The following AP3S1 variants were observed in gnomAD, a reference collection of about 807,000 sequenced individuals.
AP3S1 encodes the protein adaptor related protein complex 3 subunit sigma 1, also known as AP-3 complex subunit sigma-1.
Under a neutral mutation model 21.3 loss-of-function variants are expected in AP3S1, and 12 were observed. That is an observed-to-expected ratio of 0.56 (90% CI 0.36 to 0.91). AP3S1 has a LOEUF of 0.91. AP3S1 is among the 40% of genes least tolerant of loss of function. AP3S1 has a pLI of 0.01. For missense variants in AP3S1, 116 were observed against 225.0 expected, an observed-to-expected ratio of 0.52 and a Z score of 3.10; for synonymous variants, 48 against 78.4, an observed-to-expected ratio of 0.61 and a Z score of 2.05.
intron 3 of AP3S1, 78 bp downstream of exon 3, chr5:115,870,206 T>A: frequency 1.1e-6 from 1 of 881,738 alleles, no homozygotes; most frequent in Non-Finnish European, 1.7e-6. Flanking sequence ...TATTCTAAAT[T>A]TTCTAAAATG....
intron 3 of AP3S1, among the ~76,000 whole-genome samples, chr5:115,884,731 A>G (rs1257679080): frequency 1.3e-5 from 2 of 152,276 alleles, no homozygotes; most frequent in Non-Finnish European, 2.9e-5. Flanking sequence ...ACTTAACATG[A>G]AAATATTAAT....
chr5:115,842,475 G>T (rs910168177), intron 1 of AP3S1: 4 of 183,122 alleles, frequency 2.2e-5, no homozygotes, highest in Non-Finnish European at 1.1e-5. Flanking sequence ...CACCCCGCGC[G>T]GCTGCCTTCC....
intron 1 of AP3S1, among the ~76,000 whole-genome samples, chr5:115,863,348 A>T (rs1763345310): frequency 6.6e-6 from 1 of 151,716 alleles, no homozygotes; most frequent in Admixed American, 6.6e-5. Flanking sequence ...AGTGAGCGAG[A>T]TCATGCCATT....
At chr5:115,849,368 T>G (rs548372672) in intron 1 of AP3S1, among the ~76,000 whole-genome samples, 23 of 152,226 alleles carry the variant, frequency 1.5e-4, no homozygotes, top group African/African-American at 5.5e-4. Flanking sequence ...AGGAAGAATA[T>G]GAAAACAGTA....
At chr5:115,898,876 G>A (rs1399415518) in intron 4 of AP3S1, 1 of 152,240 alleles carries the variant, frequency 6.6e-6, no homozygotes, top group African/African-American at 2.4e-5. Flanking sequence ...TTGTGGATTT[G>A]CTGGGGGAGC....
intron 1 of AP3S1, among the ~76,000 whole-genome samples, chr5:115,864,375 A>G (rs552900508): frequency 1.6e-4 from 25 of 152,320 alleles, no homozygotes; most frequent in African/African-American, 5.8e-4. Context: ...CACCAAAGGC[A>G]TTGAAGTGGT....
At chr5:115,885,202 A>T (rs1749674023) in intron 3 of AP3S1, among the ~76,000 whole-genome samples, 1 of 152,192 alleles carries the variant, frequency 6.6e-6, no homozygotes, top group Non-Finnish European at 1.5e-5. Flanking sequence ...ACCTGACAGG[A>T]TATATGTATA....
chr5:115,873,541 G>T (rs1748456724), intron 3 of AP3S1, among the ~76,000 whole-genome samples: 2 of 152,180 alleles, frequency 1.3e-5, no homozygotes, highest in African/African-American at 4.8e-5. Flanking sequence ...TCAGGAACAT[G>T]TTGGAAGTTC....
chr5:115,905,737 A>T (rs184453839), intron 5 of AP3S1, among the ~76,000 whole-genome samples: 3 of 152,234 alleles, frequency 2.0e-5, no homozygotes, highest in Non-Finnish European at 4.4e-5. Context: ...TGTTACTTCA[A>T]TTGGTTAAAT....
chr5:115,844,936 C>A (rs1157051782), intron 1 of AP3S1, among the ~76,000 whole-genome samples: 1 of 152,184 alleles, frequency 6.6e-6, no homozygotes, highest in Non-Finnish European at 1.5e-5. Flanking sequence ...GAGTCTTGAA[C>A]ATAGAAAACT....
chr5:115,846,414 C>T (rs1762069141), intron 1 of AP3S1, among the ~76,000 whole-genome samples: 1 of 152,162 alleles, frequency 6.6e-6, no homozygotes, highest in African/African-American at 2.4e-5. Flanking sequence ...TGTGTGTACA[C>T]ACCACACACA....
chr5:115,866,985 A>G (rs1471203298), intron 2 of AP3S1, among the ~76,000 whole-genome samples: 1 of 152,120 alleles, frequency 6.6e-6, no homozygotes, highest in Non-Finnish European at 1.5e-5. Context: ...TATAAAGGTA[A>G]TATATTAAAT....
At chr5:115,882,772 C>G (rs994292143) in intron 3 of AP3S1, among the ~76,000 whole-genome samples, 1 of 152,186 alleles carries the variant, frequency 6.6e-6, no homozygotes, top group Non-Finnish European at 1.5e-5. Context: ...CAGGCATGAA[C>G]GTTTAAGTCT....
chr5:115,847,770 T>C (rs1331238045), intron 1 of AP3S1, among the ~76,000 whole-genome samples: 1 of 152,228 alleles, frequency 6.6e-6, no homozygotes, highest in Admixed American at 6.5e-5. Flanking sequence ...TATTCCCTCT[T>C]TATTAGCTTT....
In AP3S1 at chr5:115,866,778, A is replaced by C. The variant is rs765582125; in HGVS notation, c.161+17A>C. On this transcript the variant is annotated intron_variant, in intron 2 of 5. Transcript: ENST00000316788. ...AGGAGGATTGTAAGTAAAGCATTTC[A>C]TAGACATTTCTAAGTTTTGACTATG... 1.3e-6 allele frequency: 2 copies of C among 1,530,228 alleles called. No individual in the cohort carries two copies. The highest frequency in any genetic ancestry group is 1.8e-6 in the Non-Finnish European group (2 of 1,113,502). 94.8% of individuals were successfully genotyped at this position (1,530,228 alleles called of 1,614,324 possible).
intron 3 of AP3S1, among the ~76,000 whole-genome samples, chr5:115,878,766 G>T (rs2112864672): frequency 6.6e-6 from 1 of 152,226 alleles, no homozygotes. Context: ...GGATAACATT[G>T]AATCTATAAA....
At chr5:115,868,034 A>G (rs1169684279) in intron 2 of AP3S1, among the ~76,000 whole-genome samples, 1 of 152,136 alleles carries the variant, frequency 6.6e-6, no homozygotes, top group Non-Finnish European at 1.5e-5. Context: ...CTCAGGCCTC[A>G]GTTTTCTCCT....
chr5:115,882,948 G>A (rs901207570), intron 3 of AP3S1, among the ~76,000 whole-genome samples: 4 of 152,230 alleles, frequency 2.6e-5, no homozygotes, highest in African/African-American at 9.6e-5. Flanking sequence ...ACTTTGCCAT[G>A]TTGTGGTGGG....
At position 115,903,038 on chromosome 5, in the gene AP3S1, A is replaced by G. The variant is rs761585672; in HGVS notation, c.453+46A>G. ...AGTTAAGAAGGTTCTAAGCATGATGACAGATTACGCATGATTTGTAGTTTT... is the reference window on the plus strand; with the variant it reads ...AGTTAAGAAGGTTCTAAGCATGATGGCAGATTACGCATGATTTGTAGTTTT... On this transcript the variant is annotated intron_variant, in intron 5 of 5. Coordinates refer to ENST00000316788, the MANE Select transcript of AP3S1 (RefSeq NM_001284.4). The G allele has an allele frequency of 5.2e-6, 7 of 1,336,470 alleles. No homozygotes were observed. In the Admixed American group the frequency reaches 1.2e-4, roughly 23 times the overall value. 82.8% of individuals were successfully genotyped at this position (1,336,470 alleles called of 1,614,324 possible). A position where few individuals can be genotyped will look rare whatever the true frequency, so the allele number is the denominator to read the frequency against.
Sources: allele counts gnomAD v4.1 joint callset (sites outside exome capture counted in the v4.1 genomes callset), GRCh38; gene constraint gnomAD v4.1.1; transcripts MANE v1.5; gene names NCBI Gene and HGNC (gene_info 2026-07-23, HGNC 2026-07-21).